CYFIP1: variants seen among roughly 807,000 people sequenced by gnomAD.
The protein encoded by CYFIP1 is cytoplasmic FMR1 interacting protein 1.
In CYFIP1, 58 loss-of-function variants were observed where a neutral mutation model predicts 163.5. The ratio of observed to expected loss-of-function variants is 0.35; its 90% CI spans 0.29 to 0.44. The LOEUF (loss-of-function observed/expected upper bound fraction) is 0.44, where lower values mean the gene tolerates loss of function less well. Among genes scored for constraint, CYFIP1 ranks in the 20% least tolerant of loss-of-function variants. The probability of loss-of-function intolerance (pLI) is 1.00; values close to 1 mark genes in which losing one functional copy is unlikely to be tolerated. For synonymous variants in CYFIP1, 663 were observed against 660.7 expected (o/e 1.00, Z -0.05); for missense variants, 1,338 against 1,653.8 (o/e 0.81, Z 3.31).
intron 13 of CYFIP1, among the ~76,000 whole-genome samples, chr15:22,921,883 G>A (rs1350074614): frequency 6.6e-6 from 1 of 152,038 alleles, no homozygotes; most frequent in Admixed American, 6.5e-5. Context: ...AGGATAGACA[G>A]AGGTCAATGG....
chr15:22,927,836 C>T (rs1481979344), intron 12 of CYFIP1, 70 bp downstream of exon 12: 1 of 1,485,974 alleles, frequency 6.7e-7, no homozygotes, highest in Non-Finnish European at 8.9e-7. Context: ...AGCCCAAAGA[C>T]CAAAAGTTAA....
At chr15:22,959,650 C>T (rs1381467654) in intron 1 of CYFIP1, among the ~76,000 whole-genome samples, 2 of 152,202 alleles carry the variant, frequency 1.3e-5, no homozygotes, top group African/African-American at 2.4e-5. Context: ...CTGATTCCTG[C>T]GGCTTGAAGG....
Position 22,890,210 on chromosome 15 carries a change from G to A in CYFIP1, c.2676+2680C>T, listed in dbSNP as rs561907973. 1.7e-3 allele frequency among the ~76,000 whole-genome samples: 251 copies of A among 151,748 alleles called. 2 individuals carry two copies. The highest frequency in any genetic ancestry group is 5.6e-3 in the African/African-American group (232 of 41,376). On this transcript the variant is annotated intron_variant, in intron 23 of 30. Coordinates refer to ENST00000617928, the MANE Select transcript of CYFIP1 (RefSeq NM_014608.6). ...GCCTTTAATCCCAGCTATTTGGGAG[G>A]CTGAGGCAGGAGAATTGTTTGAACC... is the stretch of plus-strand genomic sequence containing the variant.
rs368494978 is a variant in CYFIP1, at chr15:22,917,774, C to T, written c.1674+14G>A. The T allele has an allele frequency of 1.0e-5, 16 of 1,590,438 alleles. No homozygotes were observed. Among genetic ancestry groups the T allele is most frequent in the Middle Eastern group, 1.8e-4 (1 of 5,616 alleles). ...CCAGGGAGAGGGTGCAGGCGGGGCT[C>T]AAGGGACGAGAACCTGAGTGCTGGA... On this transcript the variant is annotated intron_variant, in intron 15 of 30. Coordinates refer to ENST00000617928, the MANE Select transcript of CYFIP1 (RefSeq NM_014608.6). This position sits in a 1 kb window ranked among gnomAD's most constrained non-coding sequence, Gnocchi z 4.2.
At chr15:22,925,728 C>T (rs1057176087) in intron 13 of CYFIP1, among the ~76,000 whole-genome samples, 1 of 152,172 alleles carries the variant, frequency 6.6e-6, no homozygotes, top group African/African-American at 2.4e-5. Flanking sequence ...CTTCCCCGCA[C>T]CCGACACTGC....
chr15:22,915,412 C>T (rs35170427), intron 16 of CYFIP1, among the ~76,000 whole-genome samples: 63,313 of 151,800 alleles, frequency 0.42, 14,034 homozygotes, highest in African/African-American at 0.55. Flanking sequence ...AGGTATGAGC[C>T]ACTGTGTCTT....
intron 11 of CYFIP1, among the ~76,000 whole-genome samples, chr15:22,931,686 GAAAAAAAAA>G (rs766177290): frequency 4.3e-4 from 17 of 39,714 alleles, no homozygotes; most frequent in South Asian, 3.9e-3. Context: ...ATGTTTTTCT[GAAAAAAAAA>G]AAAAAAAAAA....
rs1484510044 is a variant in CYFIP1 at position 22,867,719 on chromosome 15, G to T, written c.*2309C>A. On this transcript the variant is annotated 3_prime_UTR_variant, in exon 31 of 31. Transcript: ENST00000617928. ...TCATGTTATAATAAAAAGTTGAAAT[G>T]AAGTTCTTATTCTAAAAGTCTGAAT... 2.0e-5 allele frequency: 3 copies of T among 152,236 alleles called. No individual in the cohort carries two copies. Among genetic ancestry groups the T allele is most frequent in the Non-Finnish European group, 4.4e-5 (3 of 68,092 alleles). 9.4% of individuals were successfully genotyped at this position (152,236 alleles called of 1,614,324 possible). A position where few individuals can be genotyped will look rare whatever the true frequency, so the allele number is the denominator to read the frequency against.
chr15:22,942,453 C>G (rs2061919006), intron 6 of CYFIP1, among the ~76,000 whole-genome samples: 2 of 152,056 alleles, frequency 1.3e-5, no homozygotes, highest in Non-Finnish European at 1.5e-5. Context: ...TCACCAAACG[C>G]CGGTCGGCAG....
intron 1 of CYFIP1, among the ~76,000 whole-genome samples, chr15:22,971,974 T>A (rs8023578): frequency 0.21 from 27,073 of 130,096 alleles, 2,489 homozygotes; most frequent in Non-Finnish European, 0.22. Context: ...ACAGATTCAA[T>A]GCAATCTACA....
intron 21 of CYFIP1, among the ~76,000 whole-genome samples, chr15:22,908,068 T>G (rs921548993): frequency 6.6e-5 from 10 of 152,224 alleles, no homozygotes; most frequent in Non-Finnish European, 1.3e-4. Context: ...TAACCTCTGT[T>G]TTCCTGTTCC....
At position 22,951,385 on chromosome 15, in the gene CYFIP1, G is replaced by A. The variant is rs750944896; in HGVS notation, c.-6-4094C>T. 3.0e-4 allele frequency: 386 copies of A among 1,276,562 alleles called. 2 individuals are homozygous for A. Among genetic ancestry groups the A allele is most frequent in the African/African-American group, 4.1e-4 (27 of 65,526 alleles). The allele number at this position is 1,276,562 out of a possible 1,614,324, so 79.1% of individuals were successfully genotyped here. A position where few individuals can be genotyped will look rare whatever the true frequency, so the allele number is the denominator to read the frequency against. The stretch of plus-strand genomic sequence containing the variant: ...GGAGCAGTGCAGGGCAGCCCCGGCC[G>A]GGTGGGTGCAGGGTCCAGCCCCAGC... On this transcript the variant is annotated intron_variant, in intron 1 of 30. Coordinates refer to ENST00000617928, the MANE Select transcript of CYFIP1 (RefSeq NM_014608.6).
At chr15:22,874,719 T>C in intron 27 of CYFIP1, 75 bp from the exon 28 acceptor site, 1 of 1,020,288 alleles carries the variant, frequency 9.8e-7, no homozygotes, top group Non-Finnish European at 1.4e-6. Flanking sequence ...TACATTTGTT[T>C]AAAAAACAAA....
rs537788757 is a variant in CYFIP1 at position 22,972,592 on chromosome 15, A to G, written c.-7+7695T>C. Among the ~76,000 whole-genome samples, 4 of 152,344 alleles carry G rather than the reference A, an allele frequency of 2.6e-5. No homozygotes were observed. The East Asian group carries it at 7.7e-4, about 29-fold the overall frequency. ...ACTGATTTTTAACAAAGGTGCCAAG[A>G]ACACACAATGAGAAAAGGATAGGTT... On this transcript the variant is annotated intron_variant, in intron 1 of 30. Transcript: ENST00000617928.
Position 22,918,792 on chromosome 15 carries a change from TGG to T in CYFIP1, c.1424_1425del (p.Ala475AspfsTer18). On this transcript the variant is annotated frameshift_variant, in exon 14 of 31. Transcript: ENST00000617928. LOFTEE classifies it high-confidence loss of function. ...MGRMESVFNHAIRHTVYAALQ... is the reference protein window; with the variant it reads ...MGRMESVFNHXIRHTVYAALQ... ...AGTGCGGCATAGACGGTGTGCCGGATGGCGTGGTTGAACACGCTCTCCATCCT... is the reference window on the plus strand; with the variant it reads ...AGTGCGGCATAGACGGTGTGCCGGATCGTGGTTGAACACGCTCTCCATCCT... 1 of 1,613,418 alleles carries T rather than the reference TGG, an allele frequency of 6.2e-7. No individual in the cohort carries two copies. The highest frequency in any genetic ancestry group is 1.7e-5 in the Admixed American group (1 of 59,966).
chr15:22,955,144 T>G (rs1850774864), intron 1 of CYFIP1, among the ~76,000 whole-genome samples: 1 of 152,224 alleles, frequency 6.6e-6, no homozygotes, highest in African/African-American at 2.4e-5. Context: ...GGGGGCTCCA[T>G]GGGTCCACCT....
chr15:22,968,793 G>A (rs761330976), intron 1 of CYFIP1, among the ~76,000 whole-genome samples: 1 of 152,140 alleles, frequency 6.6e-6, no homozygotes, highest in Non-Finnish European at 1.5e-5. Flanking sequence ...ATGATCTCTG[G>A]GGGCAGCTGG....
intron 16 of CYFIP1, chr15:22,915,122 G>A (rs1002615930): frequency 5.2e-6 from 2 of 385,840 alleles, no homozygotes; most frequent in East Asian, 4.0e-5. Flanking sequence ...GATCCAGGGG[G>A]AAAGTGTCTT....
intron 26 of CYFIP1, among the ~76,000 whole-genome samples, chr15:22,878,686 A>C (rs1169966711): frequency 6.6e-6 from 1 of 151,964 alleles, no homozygotes; most frequent in Non-Finnish European, 1.5e-5. Context: ...AAAAAAAAAA[A>C]AAGTGCTAAT....
Sources: gnomAD v4.1 joint callset for allele counts (sites outside exome capture counted in the v4.1 genomes callset) on GRCh38, gnomAD v4.1.1 for gene constraint, Gnocchi (gnomAD v3.1) non-coding constraint, MANE v1.5 for transcripts, NCBI Gene and HGNC (gene_info 2026-07-23, HGNC 2026-07-21) for gene names.